CASK: variants seen among roughly 807,000 people sequenced by gnomAD.
The protein encoded by CASK is calcium/calmodulin dependent serine protein kinase, also known as peripheral plasma membrane protein CASK.
CASK carries 4 observed loss-of-function variants against 82.9 expected under a neutral mutation model. The observed-to-expected ratio is 0.05, with a 90% confidence interval of 0.02 to 0.11. The LOEUF (loss-of-function observed/expected upper bound fraction) is 0.11, where lower values mean the gene tolerates loss of function less well. CASK is among the 10% of genes least tolerant of loss of function. The pLI, the probability that CASK is intolerant of heterozygous loss-of-function variation, is 1.00. For missense variants in CASK, 358 were observed against 720.9 expected, an observed-to-expected ratio of 0.50 and a Z score of 5.76; for synonymous variants, 259 against 253.5, an observed-to-expected ratio of 1.02 and a Z score of -0.20.
intron 8 of CASK, among the ~76,000 whole-genome samples, chrX:41,639,377 C>A (rs893553361): frequency 5.5e-5 from 6 of 108,250 alleles, no homozygotes; most frequent in East Asian, 2.9e-4. Context: ...CAGCCTTCAA[C>A]CCTGAACTGT....
chrX:41,862,618 A>T lies in CASK; in HGVS notation c.60-9391T>A, dbSNP rs370644009. ...TGGTACTGCTAGCATGAAAAACTGGAGGGTGAGAAGTGGCTGGAAAAGGAA... is the reference window on the plus strand; with the variant it reads ...TGGTACTGCTAGCATGAAAAACTGGTGGGTGAGAAGTGGCTGGAAAAGGAA... On this transcript the variant is annotated intron_variant, in intron 1 of 26. Transcript: ENST00000378163. 8.5e-5 allele frequency among the ~76,000 whole-genome samples: 9 copies of T among 106,300 alleles called. No homozygotes were observed. The East Asian group carries it at 2.1e-3, about 25-fold the overall frequency. 92.3% of individuals were successfully genotyped at this position (106,300 alleles called of 115,157 possible). A position where few individuals can be genotyped will look rare whatever the true frequency, so the allele number is the denominator to read the frequency against.
chrX:41,586,912 A>G lies in CASK; in HGVS notation c.1309T>C (p.Phe437Leu). The G allele has an allele frequency of 8.6e-7, 1 of 1,160,532 alleles. No individual in the cohort carries two copies. Among genetic ancestry groups the G allele is most frequent in the Non-Finnish European group, 1.2e-6 (1 of 849,534 alleles). The change falls in exon 14 of 27, where the codon TTC becomes CTC. Residue 437 changes from phenylalanine to leucine, a missense_variant. Physicochemically the swap from Phe to Leu is conservative, Grantham distance 22. Around this residue, in one of 5 missense-constraint regions of CASK, gnomAD observed 110 missense variants for 218.8 expected, o/e 0.50. Transcript: ENST00000378163. ...ELKRILTQPH[F>L]MALLQTHDVV... ...GAAGTTTAATTATTACTTACCATGA[A>G]ATGAGGTTGTGTTAAAATACGCTTT...
intron 8 of CASK, among the ~76,000 whole-genome samples, chrX:41,637,378 CTTTTTTTTTTTTTTTT>C (rs758261036): frequency 8.1e-5 from 3 of 36,890 alleles, no homozygotes; most frequent in East Asian, 1.1e-3. Flanking sequence ...TTAGGACACG[CTTTTTTTTTTTTTTTT>C]TTTTTTTTTT....
intron 2 of CASK, among the ~76,000 whole-genome samples, chrX:41,849,588 T>C (rs1029938755): frequency 8.9e-6 from 1 of 111,876 alleles, no homozygotes; most frequent in Non-Finnish European, 1.9e-5. Flanking sequence ...ATAATATGCC[T>C]TTTTAGGAAT....
chrX:41,888,787 GTGTATATATA>G (rs974418654), intron 1 of CASK, among the ~76,000 whole-genome samples: 3 of 102,752 alleles, frequency 2.9e-5, no homozygotes, highest in African/African-American at 1.1e-4. Context: ...ATACATGTAT[GTGTATATATA>G]TGTATATATA....
intron 24 of CASK, 97 bp downstream of exon 24, chrX:41,534,609 C>T (rs1446781627): frequency 5.4e-5 from 36 of 665,948 alleles, no homozygotes; most frequent in Non-Finnish European, 8.0e-5. Flanking sequence ...CTACAATGAA[C>T]AGTTATACCT....
At chrX:41,611,622 CCTCTCT>C (rs1246449968) in intron 11 of CASK, among the ~76,000 whole-genome samples, 4 of 74,414 alleles carry the variant, frequency 5.4e-5, no homozygotes, top group African/African-American at 1.4e-4. Flanking sequence ...TCTCCCTCTC[CCTCTCT>C]CTCTCCCTCT....
At chrX:41,877,374 C>A (rs1049788328) in intron 1 of CASK, among the ~76,000 whole-genome samples, 4 of 111,479 alleles carry the variant, frequency 3.6e-5, no homozygotes, top group African/African-American at 1.3e-4. Context: ...TATTAACAGT[C>A]GGGAGCAGGA....
chrX:41,672,709 A>G (rs2067212488), intron 5 of CASK, among the ~76,000 whole-genome samples: 1 of 112,026 alleles, frequency 8.9e-6, no homozygotes, highest in Non-Finnish European at 1.9e-5. Flanking sequence ...TTTCTGTCCA[A>G]AGAAGTTTAA....
At chrX:41,586,746 G>C in intron 14 of CASK, 161 bp downstream of exon 14, 2 of 446,287 alleles carry the variant, frequency 4.5e-6, no homozygotes, top group Non-Finnish European at 7.8e-6. Context: ...AAACAAAACA[G>C]TCTTAAAATA....
At chrX:41,798,553 G>A (rs770011285) in intron 2 of CASK, among the ~76,000 whole-genome samples, 40 of 112,702 alleles carry the variant, frequency 3.5e-4, no homozygotes, top group Middle Eastern at 4.6e-3. Context: ...AATAAGCTGC[G>A]GCCAGGGGCG....
At chrX:41,770,230 C>CA (rs2069199375) in intron 3 of CASK, among the ~76,000 whole-genome samples, 1 of 107,530 alleles carries the variant, frequency 9.3e-6, no homozygotes, top group South Asian at 4.0e-4. Flanking sequence ...GAATAAAAGC[C>CA]AAAAATAATA....
At chrX:41,650,205 C>T (rs1301639105) in intron 8 of CASK, among the ~76,000 whole-genome samples, 1 of 111,452 alleles carries the variant, frequency 9.0e-6, no homozygotes, top group Non-Finnish European at 1.9e-5. Flanking sequence ...ACTCTTTATC[C>T]AATTTGCCAG....
At position 41,878,474 on chromosome X, in the gene CASK, A is replaced by T. The variant is rs188558879; in HGVS notation, c.60-25247T>A. Among the ~76,000 whole-genome samples, 442 of 110,307 alleles carry T rather than the reference A, an allele frequency of 4.0e-3. 3 individuals carry two copies. The highest frequency in any genetic ancestry group is 0.018 in the Middle Eastern group (4 of 217). On this transcript the variant is annotated intron_variant, in intron 1 of 26. Coordinates refer to ENST00000378163, the MANE Select transcript of CASK (RefSeq NM_001367721.1). Reference sequence around the variant, plus strand: ...TGCAGTCTTTCCTGACTTTTTTTTTAAAATTTTATTTCCATAGGTTTTTGT... The same window carrying T: ...TGCAGTCTTTCCTGACTTTTTTTTTTAAATTTTATTTCCATAGGTTTTTGT...
intron 24 of CASK, among the ~76,000 whole-genome samples, chrX:41,533,633 C>A (rs2064836166): frequency 8.9e-6 from 1 of 112,435 alleles, no homozygotes; most frequent in Admixed American, 9.4e-5. Flanking sequence ...CAACCCTGAG[C>A]TGCTAGAAAG....
At chrX:41,726,843 G>A in intron 5 of CASK, 1 of 305,393 alleles carries the variant, frequency 3.3e-6, no homozygotes, top group South Asian at 1.8e-4. Flanking sequence ...GATTAGAAAA[G>A]GTAAGAAGCC....
At chrX:41,891,559 C>T (rs1195383) in intron 1 of CASK, among the ~76,000 whole-genome samples, 21,441 of 111,069 alleles carry the variant, frequency 0.19, 1,636 homozygotes, top group Middle Eastern at 0.3. Context: ...ATTTTGTCTT[C>T]AAGTTAAAAT....
At chrX:41,900,722 TTTGA>T (rs1321490548) in intron 1 of CASK, among the ~76,000 whole-genome samples, 1 of 106,134 alleles carries the variant, frequency 9.4e-6, no homozygotes, top group Non-Finnish European at 1.9e-5. Context: ...AAGATGATTA[TTTGA>T]TTATTTTGAA....
intron 5 of CASK, among the ~76,000 whole-genome samples, chrX:41,718,006 G>T (rs2068092621): frequency 8.9e-6 from 1 of 112,279 alleles, no homozygotes; most frequent in Non-Finnish European, 1.9e-5. Context: ...GACAAGGTTG[G>T]AACATTTAGC....
Sources: allele counts gnomAD v4.1 joint callset (sites outside exome capture counted in the v4.1 genomes callset), GRCh38; gene constraint gnomAD v4.1.1; regional missense constraint gnomAD v4.1.1; transcripts MANE v1.5; gene names NCBI Gene and HGNC (gene_info 2026-07-23, HGNC 2026-07-21).